The following LMBR1 variants were observed in gnomAD, a reference collection of about 807,000 sequenced individuals.
LMBR1 encodes the protein limb development membrane protein 1, also known as limb region 1 protein homolog.
In LMBR1, 52 loss-of-function variants were observed where a neutral mutation model predicts 73.9. The ratio of observed to expected loss-of-function variants is 0.70; its 90% confidence interval spans 0.56 to 0.89. The LOEUF (loss-of-function observed/expected upper bound fraction) is 0.89, where lower values mean the gene tolerates loss of function less well. Ranked by LOEUF, LMBR1 falls within the 40% of genes least tolerant of loss-of-function variation. LMBR1 has a pLI of 0.00. For synonymous variants in LMBR1, 215 were observed against 209.4 expected (o/e 1.03, Z -0.23); for missense variants, 539 against 579.8 (o/e 0.93, Z 0.72).
chr7:156,805,832 G>T (rs533687761), intron 4 of LMBR1, among the ~76,000 whole-genome samples: 29 of 152,152 alleles, frequency 1.9e-4, no homozygotes, highest in Non-Finnish European at 4.0e-4. Context: ...GGAGCCCTTG[G>T]GGGTAGTTAG....
At chr7:156,817,500 G>C (rs1211353271) in intron 4 of LMBR1, among the ~76,000 whole-genome samples, 1 of 140,236 alleles carries the variant, frequency 7.1e-6, no homozygotes, top group Non-Finnish European at 1.6e-5. Flanking sequence ...GACAGAGAGA[G>C]AGAGAGAGAG....
chr7:156,752,124 C>T (rs1821013074), intron 9 of LMBR1, among the ~76,000 whole-genome samples: 1 of 152,104 alleles, frequency 6.6e-6, no homozygotes, highest in Non-Finnish European at 1.5e-5. Context: ...AACTGAAAAC[C>T]AAGTGGAATA....
chr7:156,813,309 T>C (rs571625597), intron 4 of LMBR1, among the ~76,000 whole-genome samples: 4 of 152,294 alleles, frequency 2.6e-5, no homozygotes, highest in Middle Eastern at 3.4e-3. Flanking sequence ...AGAGTGCTTG[T>C]TCTTCACTAC....
downstream of LMBR1, chr7:156,676,366 T>A: frequency 6.2e-7 from 1 of 1,613,794 alleles, no homozygotes; most frequent in African/African-American, 1.3e-5. Context: ...TAAGTAACTT[T>A]CTGCTGTGAT....
intron 9 of LMBR1, among the ~76,000 whole-genome samples, chr7:156,752,282 G>C (rs1476690073): frequency 6.6e-6 from 1 of 152,200 alleles, no homozygotes; most frequent in Non-Finnish European, 1.5e-5. Flanking sequence ...TGTGAGCTTT[G>C]CCATAAAGAC....
chr7:156,848,819 T>C (rs1051996896), intron 1 of LMBR1, among the ~76,000 whole-genome samples: 2 of 150,840 alleles, frequency 1.3e-5, no homozygotes, highest in African/African-American at 4.9e-5. Flanking sequence ...TGGTCCCAGC[T>C]ACTAGGGAAG....
chr7:156,690,712 TAG>T (rs1458575880), intron 15 of LMBR1, among the ~76,000 whole-genome samples: 1 of 151,666 alleles, frequency 6.6e-6, no homozygotes, highest in Non-Finnish European at 1.5e-5. Flanking sequence ...ACCGAAGAAA[TAG>T]ACAAATATTA....
rs932254750 is a variant in LMBR1 at position 156,866,561 on chromosome 7, G to A, written c.66+26367C>T. ...TGTGCAGAATATGCAGGATGACTAA[G>A]ACATGTAGGACATACAGGAATTTCT... On this transcript the variant is annotated intron_variant, in intron 1 of 16. Transcript: ENST00000353442. 5.3e-5 allele frequency among the ~76,000 whole-genome samples: 8 copies of A among 150,600 alleles called. No individual in the cohort carries two copies. The South Asian group carries it at 1.7e-3, about 32-fold the overall frequency.
intron 5 of LMBR1, among the ~76,000 whole-genome samples, chr7:156,789,475 G>C (rs1367236714): frequency 6.6e-6 from 1 of 152,114 alleles, no homozygotes; most frequent in Non-Finnish European, 1.5e-5. Context: ...TACTGCCTTT[G>C]ATGTGTATAA....
At chr7:156,773,378 T>C (rs761385571) in intron 5 of LMBR1, among the ~76,000 whole-genome samples, 2 of 152,062 alleles carry the variant, frequency 1.3e-5, no homozygotes, top group African/African-American at 2.4e-5. Flanking sequence ...AGAGCCCATA[T>C]AGTCAAAGCA....
At chr7:156,846,370 G>GA (rs1404151847) in intron 1 of LMBR1, among the ~76,000 whole-genome samples, 3 of 45,118 alleles carry the variant, frequency 6.6e-5, no homozygotes, top group Admixed American at 5.4e-4. Flanking sequence ...ACTCCAGCCT[G>GA]GCAACAGAGT....
intron 15 of LMBR1, among the ~76,000 whole-genome samples, chr7:156,719,708 A>G (rs1272973254): frequency 6.6e-6 from 1 of 152,122 alleles, no homozygotes; most frequent in Non-Finnish European, 1.5e-5. Flanking sequence ...AAACTATACT[A>G]CAAGGCTACA....
At chr7:156,748,407 T>C (rs902650018) in intron 9 of LMBR1, among the ~76,000 whole-genome samples, 2 of 152,202 alleles carry the variant, frequency 1.3e-5, no homozygotes, top group Non-Finnish European at 2.9e-5. Context: ...TAAGCTACTA[T>C]TGGGAATACC....
intron 5 of LMBR1, among the ~76,000 whole-genome samples, chr7:156,767,089 A>T (rs892488863): frequency 7.2e-5 from 11 of 152,078 alleles, no homozygotes; most frequent in African/African-American, 2.4e-4. Context: ...TCCTCCCCCA[A>T]TTCTGACCTC....
Position 156,669,599 on chromosome 7 carries a change from C to G in LMBR1, n.867-312G>C, listed in dbSNP as rs1802012970. Reference sequence around the variant, plus strand: ...GTGAGGCCCTGAGCTGGGCGCTGAGCAGATAGGTCATTTTCAAGAGGGCGA... The same window carrying G: ...GTGAGGCCCTGAGCTGGGCGCTGAGGAGATAGGTCATTTTCAAGAGGGCGA... On this transcript the variant is annotated intron_variant and non_coding_transcript_variant, in intron 4 of 4. Coordinates refer to the LMBR1 transcript ENST00000430825. This position sits in a 1 kb window ranked among gnomAD's most constrained non-coding sequence, Gnocchi z 4.2. Among the ~76,000 whole-genome samples, 1 of 152,154 alleles carries G rather than the reference C, an allele frequency of 6.6e-6. No homozygotes were observed. The highest frequency in any genetic ancestry group is 1.5e-5 in the Non-Finnish European group (1 of 68,024).
chr7:156,820,749 T>G (rs912162965), intron 4 of LMBR1, among the ~76,000 whole-genome samples: 3 of 152,190 alleles, frequency 2.0e-5, no homozygotes, highest in African/African-American at 7.2e-5. Context: ...CCAGCTGGTT[T>G]ACTGAGCGGC....
chr7:156,676,402 C>T (rs2302149), downstream of LMBR1: 709,578 of 1,613,794 alleles, frequency 0.44, 157,544 homozygotes, highest in African/African-American at 0.51. Flanking sequence ...GGCCTCTTCC[C>T]GTCCTGTGTG....
intron 5 of LMBR1, among the ~76,000 whole-genome samples, chr7:156,770,296 A>C (rs1337878023): frequency 6.6e-6 from 1 of 152,116 alleles, no homozygotes; most frequent in Non-Finnish European, 1.5e-5. Flanking sequence ...TGGGATTACA[A>C]GTGCGCACCA....
chr7:156,707,431 G>C (rs1441658768), intron 15 of LMBR1, among the ~76,000 whole-genome samples: 1 of 152,036 alleles, frequency 6.6e-6, no homozygotes. Context: ...GTACACTACA[G>C]ACCAATATCC....
Sources: allele counts gnomAD v4.1 joint callset (sites outside exome capture counted in the v4.1 genomes callset), GRCh38; gene constraint gnomAD v4.1.1; non-coding constraint Gnocchi (gnomAD v3.1); transcripts MANE v1.5; gene names NCBI Gene and HGNC (gene_info 2026-07-23, HGNC 2026-07-21).